Variants in FAM184B observed in about 807,000 individuals in gnomAD.
FAM184B encodes family with sequence similarity 184 member B.
In FAM184B, 111 loss-of-function variants were observed where a neutral mutation model predicts 135.9. The observed-to-expected ratio is 0.82, with a 90% CI of 0.70 to 0.96. The LOEUF (loss-of-function observed/expected upper bound fraction) is 0.96, where lower values mean the gene tolerates loss of function less well. Among genes scored for constraint, FAM184B ranks in the 40% least tolerant of loss-of-function variants. FAM184B has a pLI of 0.00. For missense variants in FAM184B, 1,375 were observed against 1,323.9 expected (o/e 1.04, Z -0.60); for synonymous variants, 552 against 524.8 (o/e 1.05, Z -0.71).
chr4:17,678,852 T>C (rs1200590132), intron 7 of FAM184B, among the ~76,000 whole-genome samples: 2 of 151,946 alleles, frequency 1.3e-5, no homozygotes, highest in Non-Finnish European at 2.9e-5. Context: ...TGGAACACAA[T>C]AGAAAATCCA....
rs1357084381 is a variant in FAM184B at position 17,633,845 on chromosome 4, G to A, written c.2933C>T (p.Pro978Leu). Residue 978 changes from proline (P) to leucine (L), a missense_variant, in exon 17 of 18, where the codon CCG becomes CTG. Transcript: ENST00000265018. ...EDVPSRVVSV[P>L]NLASYAKNFL... ...GTTCTTTGCATAGGAGGCGAGGTTC[G>A]GCACGCTGACCACGCGGCTGGGCAC... The A allele has an allele frequency of 1.7e-5, 26 of 1,551,210 alleles. No homozygotes were observed. Among genetic ancestry groups the A allele is most frequent in the Admixed American group, 3.9e-5 (2 of 50,936 alleles).
intron 1 of FAM184B, among the ~76,000 whole-genome samples, chr4:17,715,329 G>C (rs1351144130): frequency 6.6e-6 from 1 of 151,966 alleles, no homozygotes; most frequent in African/African-American, 2.4e-5. Flanking sequence ...TAAAAAATTA[G>C]CTGTGTGTGG....
At chr4:17,768,976 T>C (rs1481631422) in intron 1 of FAM184B, among the ~76,000 whole-genome samples, 9 of 152,194 alleles carry the variant, frequency 5.9e-5, no homozygotes, top group African/African-American at 1.9e-4. Context: ...GCTAATTTTC[T>C]GTTTTTAGTA....
chr4:17,714,635 A>G (rs530888118), intron 1 of FAM184B, among the ~76,000 whole-genome samples: 1 of 152,276 alleles, frequency 6.6e-6, no homozygotes, highest in Non-Finnish European at 1.5e-5. Flanking sequence ...TAGAGGATTC[A>G]GTATATAGCC....
rs1299996681 is a variant in FAM184B, at chr4:17,642,571, A to C, written c.2347-343T>G. On this transcript the variant is annotated intron_variant, in intron 12 of 17. Transcript: ENST00000265018. Reference sequence around the variant, plus strand: ...CTTCCCTCCGTGAAGTTAAGTGTTCAGTGAAGTGATACTGCCTCAGTGAAG... The same window carrying C: ...CTTCCCTCCGTGAAGTTAAGTGTTCCGTGAAGTGATACTGCCTCAGTGAAG... 2.0e-5 allele frequency among the ~76,000 whole-genome samples: 3 copies of C among 152,196 alleles called. No individual in the cohort carries two copies. The East Asian group carries it at 5.8e-4, about 29-fold the overall frequency.
intron 1 of FAM184B, among the ~76,000 whole-genome samples, chr4:17,760,065 T>A (rs971106792): frequency 3.3e-5 from 5 of 152,276 alleles, no homozygotes; most frequent in African/African-American, 9.6e-5. Context: ...TCTCAGCATT[T>A]CATGACATAC....
chr4:17,645,820 T>C (rs1194997106), intron 12 of FAM184B, among the ~76,000 whole-genome samples: 13 of 151,948 alleles, frequency 8.6e-5, no homozygotes, highest in Middle Eastern at 3.4e-3. Context: ...ATTTTTGCAA[T>C]CTACTCATCT....
rs143924010 is a variant in FAM184B, at chr4:17,632,187, G to A, written c.*345C>T. On this transcript the variant is annotated 3_prime_UTR_variant, in exon 18 of 18. Coordinates refer to ENST00000265018, the MANE Select transcript of FAM184B (RefSeq NM_015688.2). ...CCTCCTAGGTTCAAGTGATCCTCCC[G>A]CCTCAGTCCCCCAAGTACCTGGGAC... 2,529 of 154,712 alleles carry A rather than the reference G, an allele frequency of 0.016. 75 individuals are homozygous for A. The highest frequency in any genetic ancestry group is 0.057 in the African/African-American group (2,321 of 40,824). The allele number at this position is 154,712 out of a possible 1,614,324, so 9.6% of individuals were successfully genotyped here. A position where few individuals can be genotyped will look rare whatever the true frequency, so the allele number is the denominator to read the frequency against.
chr4:17,673,968 C>T (rs931208755), intron 7 of FAM184B, among the ~76,000 whole-genome samples: 6 of 151,636 alleles, frequency 4.0e-5, no homozygotes, highest in Admixed American at 4.0e-4. Context: ...AAAGATTTTC[C>T]CAGACAAACA....
At chr4:17,693,861 C>T (rs965178922) in intron 5 of FAM184B, among the ~76,000 whole-genome samples, 4 of 152,166 alleles carry the variant, frequency 2.6e-5, no homozygotes, top group African/African-American at 9.7e-5. Context: ...CCTGTAATCC[C>T]AGCACTTTAG....
chr4:17,679,400 T>C (rs1716387399), intron 7 of FAM184B, among the ~76,000 whole-genome samples: 1 of 151,974 alleles, frequency 6.6e-6, no homozygotes, highest in African/African-American at 2.4e-5. Context: ...ATACAAATGG[T>C]AAACAAACAT....
chr4:17,747,433 G>C (rs892835983), intron 1 of FAM184B, among the ~76,000 whole-genome samples: 7 of 152,150 alleles, frequency 4.6e-5, no homozygotes, highest in African/African-American at 7.2e-5. Flanking sequence ...GATATGGGTA[G>C]AGGTTGGTAC....
At chr4:17,692,009 C>A (rs1049138169) in intron 6 of FAM184B, among the ~76,000 whole-genome samples, 1 of 150,702 alleles carries the variant, frequency 6.6e-6, no homozygotes, top group Non-Finnish European at 1.5e-5. Context: ...GCTGAGATTG[C>A]GCCACTGCAC....
At chr4:17,671,400 G>T (rs1716166455) in intron 7 of FAM184B, among the ~76,000 whole-genome samples, 1 of 152,166 alleles carries the variant, frequency 6.6e-6, no homozygotes, top group Non-Finnish European at 1.5e-5. Context: ...TGGGCTGGTA[G>T]ATACCATAGC....
chr4:17,774,881 T>G (rs1450662293), intron 1 of FAM184B, among the ~76,000 whole-genome samples: 3 of 152,218 alleles, frequency 2.0e-5, no homozygotes, highest in Admixed American at 2.0e-4. Flanking sequence ...TATTTCCATA[T>G]TCTGTTTTCT....
chr4:17,713,614 T>A (rs1717337716), intron 1 of FAM184B, among the ~76,000 whole-genome samples: 1 of 152,224 alleles, frequency 6.6e-6, no homozygotes, highest in Admixed American at 6.5e-5. Flanking sequence ...ATGGCAACCC[T>A]GCAATTTGGT....
At chr4:17,775,956 T>C (rs1008248903) in intron 1 of FAM184B, among the ~76,000 whole-genome samples, 2 of 152,200 alleles carry the variant, frequency 1.3e-5, no homozygotes, top group Non-Finnish European at 2.9e-5. Flanking sequence ...ACGTATTGTA[T>C]CCATGTAAAA....
intron 1 of FAM184B, among the ~76,000 whole-genome samples, chr4:17,716,546 A>T (rs2108970013): frequency 6.6e-6 from 1 of 151,752 alleles, no homozygotes; most frequent in South Asian, 2.1e-4. Context: ...GGGTCTCATT[A>T]TGTTGCCCAG....
At chr4:17,743,240 C>T (rs1371159161) in intron 1 of FAM184B, among the ~76,000 whole-genome samples, 1 of 152,194 alleles carries the variant, frequency 6.6e-6, no homozygotes, top group African/African-American at 2.4e-5. Flanking sequence ...ATGGATCCAC[C>T]AGGCCAGAGT....
Sources: allele counts gnomAD v4.1 joint callset (sites outside exome capture counted in the v4.1 genomes callset), GRCh38; gene constraint gnomAD v4.1.1; transcripts MANE v1.5; gene names NCBI Gene and HGNC (gene_info 2026-07-23, HGNC 2026-07-21).